Variants in CARD9 observed in about 807,000 individuals in gnomAD.
CARD9 encodes the protein caspase recruitment domain family member 9.
CARD9 carries 53 observed loss-of-function variants against 66.0 expected under a neutral mutation model. The observed-to-expected ratio is 0.80, with a 90% CI of 0.64 to 1.01. The LOEUF is 1.01. Ranked by LOEUF, CARD9 falls within the 50% of genes least tolerant of loss-of-function variation. CARD9 has a pLI of 0.00. For missense variants in CARD9, 769 were observed against 743.2 expected, an observed-to-expected ratio of 1.03 and a Z score of -0.40; for synonymous variants, 387 against 313.8, an observed-to-expected ratio of 1.23 and a Z score of -2.47.
rs974044165 is a variant in CARD9, at chr9:136,364,502, T to A, written c.1492A>T (p.Ser498Cys). The stretch of plus-strand genomic sequence containing the variant: ...GCCTACCTGCGGTAGTTCTCAAAAC[T>A]CTCTTTGAGGCGCCGCCGCTCCTTC... The part of the protein sequence containing the change: ...PEKERRRLKE[S>C]FENYRRKRAL... The change falls in exon 12 of 13, where the codon AGT becomes TGT. Residue 498 changes from serine to cysteine, a missense_variant. Ser to Cys is a moderately radical substitution (Grantham distance 112). Transcript: ENST00000371732. 9 of 1,539,546 alleles carry A rather than the reference T, an allele frequency of 5.8e-6. No homozygotes were observed. The highest frequency in any genetic ancestry group is 5.5e-5 in the African/African-American group (4 of 73,014).
chr9:136,367,465 G>A, intron 8 of CARD9, 172 bp downstream of exon 8: 1 of 958,234 alleles, frequency 1.0e-6, no homozygotes, highest in Non-Finnish European at 1.6e-6. Context: ...ACTTCCTGCT[G>A]GGACCCTGAA....
chr9:136,369,362 T>C (rs888622988), intron 7 of CARD9, among the ~76,000 whole-genome samples: 1 of 152,230 alleles, frequency 6.6e-6, no homozygotes, highest in Admixed American at 6.5e-5. Flanking sequence ...TGATAGATGA[T>C]AGACAGATGG....
chr9:136,373,147 C>CT (rs1416549677), intron 1 of CARD9, among the ~76,000 whole-genome samples: 4 of 152,366 alleles, frequency 2.6e-5, no homozygotes, highest in African/African-American at 7.2e-5. Context: ...AGCTGGGTCA[C>CT]TGCTCCTGGA....
intron 7 of CARD9, among the ~76,000 whole-genome samples, chr9:136,368,216 CGCA>C (rs1833174104): frequency 6.6e-6 from 1 of 152,242 alleles, no homozygotes; most frequent in African/African-American, 2.4e-5. Flanking sequence ...GACACTGAGA[CGCA>C]GGAGCGAATG....
chr9:136,369,877 T>C lies in CARD9; in HGVS notation c.952-2A>G, dbSNP rs753078506. On this transcript the variant is annotated splice_acceptor_variant, in intron 6 of 12. Transcript: ENST00000371732. LOFTEE classifies it high-confidence loss of function. Reference sequence around the variant, plus strand: ...GAACATCTCCTTCTCCTCCATGCACTGCAGGGGGCGGCAGCTCAGCCCCCA... The same window carrying C: ...GAACATCTCCTTCTCCTCCATGCACCGCAGGGGGCGGCAGCTCAGCCCCCA... 3 of 1,611,666 alleles carry C rather than the reference T, an allele frequency of 1.9e-6. No homozygotes were observed. Among genetic ancestry groups the C allele is most frequent in the African/African-American group, 1.3e-5 (1 of 74,924 alleles).
intron 3 of CARD9, 25 bp downstream of exon 3, chr9:136,371,299 C>A (rs757104004): frequency 1.3e-6 from 2 of 1,590,292 alleles, no homozygotes; most frequent in Admixed American, 1.8e-5. Flanking sequence ...CCTCCCCTGT[C>A]GGCCCCGCCT....
chr9:136,369,829 C>A lies in CARD9; in HGVS notation c.998G>T (p.Arg333Leu). 6.2e-7 allele frequency: 1 copy of A among 1,612,968 alleles called. No individual in the cohort carries two copies. ...GTCCTTGTACATCTTGGAGTCCTTA[C>A]GTAGTGCCAGGCACTGCAGCTCGAA... ...EMFELQCLALRKDSKMYKDRI... is the reference protein window; with the variant it reads ...EMFELQCLALLKDSKMYKDRI... Residue 333 changes from arginine to leucine, a missense_variant, in exon 7 of 13, where the codon CGT (arginine) becomes CTT (leucine). Transcript: ENST00000371732.
At position 136,370,274 on chromosome 9, in the gene CARD9, C is replaced by G. The variant is rs569579324; in HGVS notation, c.951+20G>C. ...CTGGCTTGGACCCCAGGGGCCATGT[C>G]TCCCCGCCTGCCCTCCTACCCGGAG... On this transcript the variant is annotated intron_variant, in intron 6 of 12. Coordinates refer to ENST00000371732, the MANE Select transcript of CARD9 (RefSeq NM_052813.5). The G allele has an allele frequency of 6.3e-7, 1 of 1,593,906 alleles. No homozygotes were observed. The highest frequency in any genetic ancestry group is 8.5e-7 in the Non-Finnish European group (1 of 1,176,980).
At chr9:136,371,298 T>A (rs751443173) in intron 3 of CARD9, 26 bp downstream of exon 3, 4 of 1,588,808 alleles carry the variant, frequency 2.5e-6, no homozygotes, top group Admixed American at 1.8e-5. Flanking sequence ...GCCTCCCCTG[T>A]CGGCCCCGCC....
In CARD9 at chr9:136,369,802, C is replaced by T. The variant is rs755342196; in HGVS notation, c.1025G>A (p.Arg342His). 11 of 1,612,370 alleles carry T rather than the reference C, an allele frequency of 6.8e-6. No individual in the cohort carries two copies. The highest frequency in any genetic ancestry group is 1.7e-5 in the Admixed American group (1 of 59,966). Reference protein sequence around the residue: ...LRKDSKMYKDRIEAILLQMEE... With the variant: ...LRKDSKMYKDHIEAILLQMEE... Reference sequence around the variant, plus strand: ...CATCTGCAGCAGGATGGCCTCGATGCGGTCCTTGTACATCTTGGAGTCCTT... The same window carrying T: ...CATCTGCAGCAGGATGGCCTCGATGTGGTCCTTGTACATCTTGGAGTCCTT... The change falls in exon 7 of 13, where the codon CGC becomes CAC. Residue 342 changes from arginine (R) to histidine (H), a missense_variant. Transcript: ENST00000371732.
intron 11 of CARD9, 100 bp downstream of exon 11, chr9:136,365,041 G>A (rs918739329): frequency 2.4e-5 from 28 of 1,164,350 alleles, no homozygotes; most frequent in African/African-American, 4.5e-5. Context: ...GCTGTCGTCG[G>A]GGCCACCGCA....
At chr9:136,373,117 G>A (rs906406684) in intron 1 of CARD9, among the ~76,000 whole-genome samples, 3 of 152,230 alleles carry the variant, frequency 2.0e-5, no homozygotes, top group African/African-American at 4.8e-5. Flanking sequence ...GCTGGGAAAC[G>A]CTGGTTTCCA....
chr9:136,365,252 A>G (rs1296819674), intron 10 of CARD9, 35 bp from the exon 11 acceptor site: 4 of 1,598,650 alleles, frequency 2.5e-6, no homozygotes, highest in Middle Eastern at 1.7e-4. Flanking sequence ...GGACCTGCCC[A>G]TCTGCTGGGC....
chr9:136,367,225 C>T lies in CARD9; in HGVS notation c.1302G>A (p.Arg434=), dbSNP rs1341937846. ...CTGGGGTCTCACTCACCTCCTGGGA[C>T]CTCCTGGGTGAGCCATCTTCCAGGT... is the stretch of plus-strand genomic sequence containing the variant. ...SSDLEDGSPR[R]SQELSLPQDL... Residue 434 remains arginine, a synonymous_variant, in exon 9 of 13, where the codon AGG becomes AGA. Transcript: ENST00000371732. 6.2e-7 allele frequency: 1 copy of T among 1,612,790 alleles called. No homozygotes were observed. Among genetic ancestry groups the T allele is most frequent in the East Asian group, 2.2e-5 (1 of 44,880 alleles).
chr9:136,372,187 C>CT (rs1050301057), intron 1 of CARD9, 93 bp from the exon 2 acceptor site: 2 of 1,523,404 alleles, frequency 1.3e-6, no homozygotes, highest in Admixed American at 1.9e-5. Flanking sequence ...GGCCAGGGCT[C>CT]TCGTCAGGGC....
chr9:136,368,049 C>G, intron 7 of CARD9: 1 of 1,406,998 alleles, frequency 7.1e-7, no homozygotes, highest in Non-Finnish European at 9.2e-7. Context: ...TGTCTCCTCC[C>G]AAGCCTGCAC....
At chr9:136,370,058 C>T (rs778440588) in intron 6 of CARD9, 183 bp from the exon 7 acceptor site, 61 of 1,405,614 alleles carry the variant, frequency 4.3e-5, no homozygotes, top group East Asian at 1.2e-4. Context: ...CAGGGCCCTC[C>T]GGCAGGCCTC....
At chr9:136,367,086 C>A (rs1179862877) in intron 9 of CARD9, 130 bp downstream of exon 9, 22 of 1,197,736 alleles carry the variant, frequency 1.8e-5, no homozygotes, top group Non-Finnish European at 2.6e-5. Context: ...GCCACCTGCT[C>A]TTCCTCCACC....
chr9:136,372,913 T>A (rs917149001), intron 1 of CARD9, among the ~76,000 whole-genome samples: 1 of 152,210 alleles, frequency 6.6e-6, no homozygotes, highest in Non-Finnish European at 1.5e-5. Context: ...ATCCCTGGAC[T>A]CTTCTCCTGC....
Sources: allele counts gnomAD v4.1 joint callset (sites outside exome capture counted in the v4.1 genomes callset), GRCh38; gene constraint gnomAD v4.1.1; transcripts MANE v1.5; gene names NCBI Gene and HGNC (gene_info 2026-07-23, HGNC 2026-07-21).